SPTY2D1: variants seen among roughly 807,000 people sequenced by gnomAD.
SPTY2D1 encodes the protein protein SPT2 homolog.
SPTY2D1 carries 21 observed loss-of-function variants against 64.0 expected under a neutral mutation model. That is an observed-to-expected ratio of 0.33 (90% CI 0.23 to 0.47). SPTY2D1 has a LOEUF of 0.47. SPTY2D1 is among the 20% of genes least tolerant of loss of function. The probability of loss-of-function intolerance (pLI) is 1.00; values close to 1 mark genes in which losing one functional copy is unlikely to be tolerated. For synonymous variants in SPTY2D1, 287 were observed against 286.8 expected (o/e 1.00, Z -0.01); for missense variants, 724 against 837.2 (o/e 0.86, Z 1.67).
In SPTY2D1 at chr11:18,615,522, G is replaced by C. The variant is rs1489947211; in HGVS notation, c.752C>G (p.Pro251Arg). The C allele has an allele frequency of 1.2e-6, 2 of 1,614,220 alleles. No individual in the cohort carries two copies. The highest frequency in any genetic ancestry group is 2.7e-5 in the African/African-American group (2 of 75,052). ...KLSKGSGDRH[P>R]SSKGMPLPHA... is the part of the protein sequence containing the mutation. Reference sequence around the variant, plus strand: ...AGGAAGGGGCATTCCTTTGGAAGAAGGATGCCTGTCTCCAGAACCTTTGCT... The same window carrying C: ...AGGAAGGGGCATTCCTTTGGAAGAACGATGCCTGTCTCCAGAACCTTTGCT... The change falls in exon 3 of 6, where the codon CCT becomes CGT. Residue 251 changes from proline to arginine, a missense_variant. Transcript: ENST00000336349.
At chr11:18,623,166 T>C (rs888604719) in intron 1 of SPTY2D1, among the ~76,000 whole-genome samples, 3 of 152,252 alleles carry the variant, frequency 2.0e-5, no homozygotes, top group South Asian at 2.1e-4. Context: ...TTTTAAGTTA[T>C]CACAAATTTA....
Position 18,612,467 on chromosome 11 carries a change from G to A in SPTY2D1, c.1733C>T (p.Pro578Leu). Residue 578 changes from proline to leucine, a missense_variant, in exon 4 of 6, where the codon CCT becomes CTT. Physicochemically the swap from Pro to Leu is moderately conservative, Grantham distance 98. Around this residue, in one of 3 missense-constraint regions of SPTY2D1, gnomAD observed 119 missense variants for 172.9 expected, o/e 0.69. Coordinates refer to ENST00000336349, the MANE Select transcript of SPTY2D1 (RefSeq NM_194285.3). This position sits in a 1 kb window ranked among gnomAD's most constrained non-coding sequence, Gnocchi z 4.6. ...TTCTCGCTGCCTTTTGTAACCAGTAGGGAAGGGAAGCCTTTGAGGACCTAA... is the reference window on the plus strand; with the variant it reads ...TTCTCGCTGCCTTTTGTAACCAGTAAGGAAGGGAAGCCTTTGAGGACCTAA... ...AAQGPQRLPF[P>L]TGYKRQREYE... 3 of 1,600,850 alleles carry A rather than the reference G, an allele frequency of 1.9e-6. No individual in the cohort carries two copies. The South Asian group carries it at 3.4e-5, about 18-fold the overall frequency.
chr11:18,624,208 AG>A (rs1554988736), intron 1 of SPTY2D1, among the ~76,000 whole-genome samples: 1 of 89,658 alleles, frequency 1.1e-5, no homozygotes, highest in South Asian at 3.5e-4. Flanking sequence ...TTAAAAAGAG[AG>A]GAAAAAAAAA....
chr11:18,629,458 C>A (rs193066919), intron 1 of SPTY2D1, among the ~76,000 whole-genome samples: 5 of 151,992 alleles, frequency 3.3e-5, no homozygotes, highest in African/African-American at 7.3e-5. Flanking sequence ...GAGCCCAGAT[C>A]GCTCACTGCA....
chr11:18,624,390 T>C (rs1383060286), intron 1 of SPTY2D1, among the ~76,000 whole-genome samples: 1 of 152,208 alleles, frequency 6.6e-6, no homozygotes, highest in African/African-American at 2.4e-5. Flanking sequence ...TGTTTGAGCT[T>C]CATGGAAAGC....
Position 18,608,703 on chromosome 11 carries a change from T to G in SPTY2D1, c.*1158A>C, listed in dbSNP as rs1462839095. The G allele has an allele frequency of 6.6e-6, 1 of 152,506 alleles. No homozygotes were observed. Among genetic ancestry groups the G allele is most frequent in the Non-Finnish European group, 1.5e-5 (1 of 68,038 alleles). The allele number at this position is 152,506 out of a possible 1,614,324, so 9.4% of individuals were successfully genotyped here. A position where few individuals can be genotyped will look rare whatever the true frequency, so the allele number is the denominator to read the frequency against. On this transcript the variant is annotated 3_prime_UTR_variant, in exon 6 of 6. Coordinates refer to ENST00000336349, the MANE Select transcript of SPTY2D1 (RefSeq NM_194285.3). ...GGTTAAGGGCTATTAAGTCCATATT[T>G]ATGACTTTAAAAAGGGTAAAAATGA...
At chr11:18,620,948 T>C (rs1002359588) in intron 1 of SPTY2D1, among the ~76,000 whole-genome samples, 3 of 150,900 alleles carry the variant, frequency 2.0e-5, no homozygotes, top group Non-Finnish European at 4.4e-5. Flanking sequence ...AATGTAGAAA[T>C]ATTTTAAATG....
chr11:18,615,405 G>C lies in SPTY2D1; in HGVS notation c.869C>G (p.Ala290Gly). 1 of 1,614,230 alleles carries C rather than the reference G, an allele frequency of 6.2e-7. No individual in the cohort carries two copies. The highest frequency in any genetic ancestry group is 8.5e-7 in the Non-Finnish European group (1 of 1,180,042). ...SKSMPGERIK[A>G]GSGNSSQPSL... Reference sequence around the variant, plus strand: ...GGGTTGGGAGCTATTGCCAGATCCTGCCTTGATCCTCTCTCCTGGCATGGA... The same window carrying C: ...GGGTTGGGAGCTATTGCCAGATCCTCCCTTGATCCTCTCTCCTGGCATGGA... The change falls in exon 3 of 6, where the codon GCA (alanine) becomes GGA (glycine). Residue 290 changes from alanine to glycine, a missense_variant. Around this residue, in one of 3 missense-constraint regions of SPTY2D1, gnomAD observed 426 missense variants for 431.8 expected, o/e 0.99. Transcript: ENST00000336349.
intron 1 of SPTY2D1, among the ~76,000 whole-genome samples, chr11:18,623,283 T>C (rs1380670705): frequency 6.6e-6 from 1 of 152,190 alleles, no homozygotes; most frequent in African/African-American, 2.4e-5. Flanking sequence ...AACACCACCA[T>C]CTGATTCCAG....
At position 18,615,886 on chromosome 11, in the gene SPTY2D1, C is replaced by T. The variant is rs1402492668; in HGVS notation, c.388G>A (p.Glu130Lys). The stretch of plus-strand genomic sequence containing the variant: ...TCTGCGTGATTGTACTCGAGGAATT[C>T]ATTCTCTTCTTCCATTTCATACTCT... ...DREYEMEEEN[E>K]FLEYNHAESE... is the part of the protein sequence containing the mutation. The change falls in exon 3 of 6, where the codon GAA becomes AAA. Residue 130 changes from glutamate to lysine, a missense_variant. Physicochemically the swap from Glu to Lys is moderately conservative, Grantham distance 56. Transcript: ENST00000336349. 6.2e-7 allele frequency: 1 copy of T among 1,613,958 alleles called. No individual in the cohort carries two copies. The highest frequency in any genetic ancestry group is 1.3e-5 in the African/African-American group (1 of 74,884).
intron 1 of SPTY2D1, among the ~76,000 whole-genome samples, chr11:18,619,430 G>A (rs7110125): frequency 0.058 from 8,533 of 146,170 alleles, 806 homozygotes; most frequent in African/African-American, 0.2. Flanking sequence ...CGCCAGCCTG[G>A]ACAACATGGT....
intron 1 of SPTY2D1, among the ~76,000 whole-genome samples, chr11:18,625,877 G>A (rs1429738016): frequency 1.3e-5 from 2 of 148,854 alleles, no homozygotes; most frequent in Admixed American, 1.4e-4. Context: ...GTACAGTGGC[G>A]TGGTCTCGGC....
Position 18,612,661 on chromosome 11 carries a change from C to A in SPTY2D1, c.1712-173G>T, listed in dbSNP as rs534882854. On this transcript the variant is annotated intron_variant, in intron 3 of 5. Transcript: ENST00000336349. The surrounding 1 kb of genome is among the most constrained non-coding windows in gnomAD (Gnocchi z 4.6). Reference sequence around the variant, plus strand: ...GCTGTGTCATGGTATCCAGAAGGAACAGAACTCCTGTTTTATCCCAGGGCT... The same window carrying A: ...GCTGTGTCATGGTATCCAGAAGGAAAAGAACTCCTGTTTTATCCCAGGGCT... Among the ~76,000 whole-genome samples, 60 of 152,212 alleles carry A rather than the reference C, an allele frequency of 3.9e-4. No individual in the cohort carries two copies. The highest frequency in any genetic ancestry group is 1.4e-3 in the African/African-American group (58 of 41,530).
chr11:18,619,456 T>TTA (rs1854355314), intron 1 of SPTY2D1, among the ~76,000 whole-genome samples: 1 of 114,626 alleles, frequency 8.7e-6, no homozygotes, highest in Non-Finnish European at 1.8e-5. Flanking sequence ...CTCATCTCTT[T>TTA]AAAAAAAAAA....
At position 18,623,436 on chromosome 11, in the gene SPTY2D1, C is replaced by T. The variant is rs543462063; in HGVS notation, c.61-6447G>A. On this transcript the variant is annotated intron_variant, in intron 1 of 5. Transcript: ENST00000336349. ...TCTGGACATTTCATACAAATGAAAT[C>T]GTATAATATGTAGCTATGATGGTTA... 1.5e-4 allele frequency among the ~76,000 whole-genome samples: 23 copies of T among 151,924 alleles called. No individual in the cohort carries two copies. The South Asian group carries it at 3.5e-3, about 23-fold the overall frequency.
chr11:18,619,256 C>T (rs1274812391), intron 1 of SPTY2D1, among the ~76,000 whole-genome samples: 7 of 152,064 alleles, frequency 4.6e-5, no homozygotes, highest in Non-Finnish European at 1.0e-4. Flanking sequence ...CAGAGGCACA[C>T]ACTCACTCCA....
At position 18,608,263 on chromosome 11, in the gene SPTY2D1, G is replaced by T. The variant is rs1216969572; in HGVS notation, c.*1598C>A. 6.6e-6 allele frequency: 1 copy of T among 152,552 alleles called. No homozygotes were observed. Among genetic ancestry groups the T allele is most frequent in the African/African-American group, 2.4e-5 (1 of 41,424 alleles). 9.4% of individuals were successfully genotyped at this position (152,552 alleles called of 1,614,324 possible). A position where few individuals can be genotyped will look rare whatever the true frequency, so the allele number is the denominator to read the frequency against. ...AAAATTAAATCCTTGCACTTTCAAA[G>T]TTTGAAACTCAATTCAAAATGAGTC... On this transcript the variant is annotated 3_prime_UTR_variant, in exon 6 of 6. Transcript: ENST00000336349.
At chr11:18,616,814 T>A in intron 2 of SPTY2D1, 61 bp downstream of exon 2, 1 of 1,538,162 alleles carries the variant, frequency 6.5e-7, no homozygotes, top group Non-Finnish European at 8.9e-7. Context: ...ACTGGTTTAG[T>A]ACAAGCTAGA....
rs566788530 is a variant in SPTY2D1 at position 18,615,268 on chromosome 11, C to G, written c.1006G>C (p.Ala336Pro). The G allele has an allele frequency of 6.2e-7, 1 of 1,614,184 alleles. No homozygotes were observed. The highest frequency in any genetic ancestry group is 1.7e-5 in the Admixed American group (1 of 60,028). ...KTSASRTQKS[A>P]VEHKAKKSLS... is the part of the protein sequence containing the mutation. ...GATTTTTTGGCTTTGTGCTCAACAG[C>G]AGATTTCTGAGTCCTGCTAGCAGAA... The change falls in exon 3 of 6, where the codon GCT becomes CCT. Residue 336 changes from alanine to proline, a missense_variant. Around this residue, in one of 3 missense-constraint regions of SPTY2D1, gnomAD observed 426 missense variants for 431.8 expected, o/e 0.99. Transcript: ENST00000336349.
Sources: gnomAD v4.1 joint callset for allele counts (sites outside exome capture counted in the v4.1 genomes callset) on GRCh38, gnomAD v4.1.1 for gene constraint, gnomAD v4.1.1 regional missense constraint, Gnocchi (gnomAD v3.1) non-coding constraint, MANE v1.5 for transcripts, NCBI Gene and HGNC (gene_info 2026-07-23, HGNC 2026-07-21) for gene names.